ADGB: variants seen among roughly 807,000 people sequenced by gnomAD.
ADGB encodes the protein calpain-7-like protein.
Under a neutral mutation model 210.5 loss-of-function variants are expected in ADGB, and 172 were observed. That is an observed-to-expected ratio of 0.82 (90% CI 0.72 to 0.93). The LOEUF (loss-of-function observed/expected upper bound fraction) is 0.93. ADGB is among the 40% of genes least tolerant of loss of function. The pLI is 0.00. For synonymous variants in ADGB, 658 were observed against 662.7 expected (o/e 0.99, Z 0.11); for missense variants, 2,025 against 1,964.8 (o/e 1.03, Z -0.58).
At chr6:146,674,724 C>T (rs1776063537) in intron 8 of ADGB, among the ~76,000 whole-genome samples, 1 of 152,158 alleles carries the variant, frequency 6.6e-6, no homozygotes, top group African/African-American at 2.4e-5. Flanking sequence ...TCCAGTGGGA[C>T]TCAGCTGCCA....
chr6:146,704,178 G>GT (rs1401444354), intron 13 of ADGB, among the ~76,000 whole-genome samples: 1 of 151,360 alleles, frequency 6.6e-6, no homozygotes, highest in Non-Finnish European at 1.5e-5. Context: ...ATGATGAGTT[G>GT]TTTGAGTTCC....
At chr6:146,667,029 G>A (rs907319902) in intron 7 of ADGB, 127 bp downstream of exon 7, 50 of 615,534 alleles carry the variant, frequency 8.1e-5, no homozygotes, top group Admixed American at 4.1e-4. Context: ...GGAAAATATC[G>A]TTTTGTAGTA....
chr6:146,632,140 C>T (rs1050180588), intron 1 of ADGB, among the ~76,000 whole-genome samples: 21 of 152,074 alleles, frequency 1.4e-4, no homozygotes, highest in Non-Finnish European at 2.9e-5. Flanking sequence ...CTCGAGGTCA[C>T]AAGTCCAAAA....
At chr6:146,680,177 C>T (rs1340099368) in intron 9 of ADGB, among the ~76,000 whole-genome samples, 1 of 152,088 alleles carries the variant, frequency 6.6e-6, no homozygotes, top group Non-Finnish European at 1.5e-5. Context: ...TAATTTCTAG[C>T]CCACAGGATG....
intron 9 of ADGB, among the ~76,000 whole-genome samples, chr6:146,679,598 G>C (rs1176039951): frequency 1.3e-5 from 2 of 152,182 alleles, no homozygotes; most frequent in Non-Finnish European, 2.9e-5. Context: ...CACTGATTCT[G>C]CTCTCTTGGA....
chr6:146,810,403 A>G (rs1778286959), intron 35 of ADGB, among the ~76,000 whole-genome samples: 2 of 152,182 alleles, frequency 1.3e-5, no homozygotes, highest in South Asian at 4.1e-4. Context: ...AAGTTTCTCA[A>G]AAAATTAAAA....
At chr6:146,664,400 C>G (rs565743645) in intron 6 of ADGB, 60 bp downstream of exon 6, 2 of 1,441,088 alleles carry the variant, frequency 1.4e-6, no homozygotes, top group Non-Finnish European at 9.2e-7. Context: ...ATTAACTATA[C>G]ATTTGTATTG....
intron 1 of ADGB, among the ~76,000 whole-genome samples, chr6:146,625,502 T>C (rs976958451): frequency 6.6e-6 from 1 of 152,164 alleles, no homozygotes; most frequent in East Asian, 1.9e-4. Flanking sequence ...TTTCCAAATA[T>C]CCTGTTGAAA....
chr6:146,710,398 T>G (rs572992711), intron 13 of ADGB, among the ~76,000 whole-genome samples: 2 of 152,192 alleles, frequency 1.3e-5, no homozygotes, highest in African/African-American at 4.8e-5. Flanking sequence ...ATAATAAAAT[T>G]TTGAGCCATT....
chr6:146,617,902 T>C (rs2114837860), intron 1 of ADGB, among the ~76,000 whole-genome samples: 1 of 152,100 alleles, frequency 6.6e-6, no homozygotes, highest in Admixed American at 6.5e-5. Flanking sequence ...ACAGTAGAAA[T>C]TTGTGTATAA....
chr6:146,735,990 G>A (rs763905237), intron 22 of ADGB, among the ~76,000 whole-genome samples: 1 of 152,170 alleles, frequency 6.6e-6, no homozygotes, highest in Non-Finnish European at 1.5e-5. Context: ...ATTAAGATAG[G>A]ATAATTAGAA....
At chr6:146,737,944 C>G (rs1777104393) in intron 23 of ADGB, among the ~76,000 whole-genome samples, 1 of 152,040 alleles carries the variant, frequency 6.6e-6, no homozygotes, top group Non-Finnish European at 1.5e-5. Context: ...ATACACATTT[C>G]TTGGACAGAT....
intron 2 of ADGB, among the ~76,000 whole-genome samples, chr6:146,643,749 A>G (rs1392724311): frequency 6.6e-6 from 1 of 151,904 alleles, no homozygotes; most frequent in Non-Finnish European, 1.5e-5. Flanking sequence ...CAATCCTGGA[A>G]ACAGCCCACA....
chr6:146,697,885 A>G (rs544012218), intron 12 of ADGB, among the ~76,000 whole-genome samples: 2 of 152,338 alleles, frequency 1.3e-5, no homozygotes, highest in African/African-American at 4.8e-5. Flanking sequence ...CAATAATATA[A>G]TGCAATAAAA....
chr6:146,803,702 G>A (rs1778166050), intron 35 of ADGB: 1 of 1,142,568 alleles, frequency 8.8e-7, no homozygotes, highest in African/African-American at 1.5e-5. Flanking sequence ...GTGAGTTTCC[G>A]ATGCCATAAT....
intron 33 of ADGB, among the ~76,000 whole-genome samples, chr6:146,798,980 T>A (rs374403556): frequency 7.0e-6 from 1 of 143,084 alleles, no homozygotes; most frequent in Non-Finnish European, 1.5e-5. Context: ...ATCTATAAAT[T>A]CAGTATAATC....
At chr6:146,796,037 A>C (rs1351144462) in intron 33 of ADGB, among the ~76,000 whole-genome samples, 1 of 152,148 alleles carries the variant, frequency 6.6e-6, no homozygotes, top group African/African-American at 2.4e-5. Flanking sequence ...AATAAGTAGC[A>C]CTGTTATACA....
intron 1 of ADGB, among the ~76,000 whole-genome samples, chr6:146,619,870 T>C (rs1780863374): frequency 1.3e-5 from 2 of 152,156 alleles, no homozygotes; most frequent in South Asian, 4.1e-4. Context: ...TACCAGTCAG[T>C]TTAATAACTG....
intron 2 of ADGB, among the ~76,000 whole-genome samples, chr6:146,640,393 C>T (rs913541426): frequency 4.6e-5 from 7 of 151,960 alleles, no homozygotes; most frequent in Non-Finnish European, 1.0e-4. Context: ...AGGAGGGACT[C>T]CTCCCCAAGT....
Sources: gnomAD v4.1 joint callset for allele counts (sites outside exome capture counted in the v4.1 genomes callset) on GRCh38, gnomAD v4.1.1 for gene constraint, MANE v1.5 for transcripts, NCBI Gene and HGNC (gene_info 2026-07-23, HGNC 2026-07-21) for gene names.